Variants in SPATA31C2 observed in about 807,000 individuals in gnomAD.
The protein encoded by SPATA31C2 is spermatogenesis-associated protein 31C2.
A neutral mutation model predicts 11.4 loss-of-function variants in SPATA31C2; 5 were observed. The ratio of observed to expected loss-of-function variants is 0.44; its 90% CI spans 0.23 to 0.92. The LOEUF is 0.92. Ranked by LOEUF, SPATA31C2 falls within the 40% of genes least tolerant of loss-of-function variation. The pLI is 0.24. For missense variants in SPATA31C2, 1,353 were observed against 1,368.6 expected, an observed-to-expected ratio of 0.99 and a Z score of 0.18; for synonymous variants, 515 against 538.7, an observed-to-expected ratio of 0.96 and a Z score of 0.61.
chr9:88,132,569 G>A lies in SPATA31C2; in HGVS notation c.468C>T (p.Ser156=). The A allele has an allele frequency of 6.2e-7, 1 of 1,610,520 alleles. No homozygotes were observed. The change falls in exon 4 of 4, where the codon TCC becomes TCT. Residue 156 remains serine, a synonymous_variant. Transcript: ENST00000324915. ...TTCGAGGATCCGGGGAAGCTAACGG[G>A]GAGACAATGGGAGCAGCGTCTTCCG... The part of the protein sequence containing the change: ...EPTEDAAPIV[S]PLASPDPRTK...
rs1329269270 is a variant in SPATA31C2 at position 88,130,801 on chromosome 9, G to A, written c.2236C>T (p.Arg746Ter). ...PACKQFQRAPRGIPSSNDHGS... is the reference protein window; with the variant it reads ...PACKQFQRAP ...TGATCATTCGAAGATGGGATCCCTC[G>A]CGGGGCCCTCTGGAACTGCTTACAT... is the stretch of plus-strand genomic sequence containing the variant. The change falls in exon 4 of 4, where the codon CGA becomes TGA. Residue 746 changes from arginine (R) to a stop codon, truncating the protein, a stop_gained. Coordinates refer to ENST00000324915, the MANE Select transcript of SPATA31C2 (RefSeq NM_001350978.3). LOFTEE classifies it low-confidence loss of function (END_TRUNC). The A allele has an allele frequency of 9.9e-6, 16 of 1,612,794 alleles. No individual in the cohort carries two copies. The highest frequency in any genetic ancestry group is 5.3e-5 in the African/African-American group (4 of 74,882).
At position 88,129,926 on chromosome 9, in the gene SPATA31C2, T is replaced by A; in HGVS notation, c.3111A>T (p.Lys1037Asn). 1 of 1,607,246 alleles carries A rather than the reference T, an allele frequency of 6.2e-7. No homozygotes were observed. Among genetic ancestry groups the A allele is most frequent in the Non-Finnish European group, 8.5e-7 (1 of 1,175,648 alleles). ...ACACGCATGATCTGTTTTTTACTGT[T>A]TTTTGGCTCTCAGCAGTGACTGGTG... The part of the protein sequence containing the change: ...KPAPVTAESQ[K>N]TVKNRSCVYG... The change falls in exon 4 of 4, where the codon AAA becomes AAT. Residue 1037 changes from lysine (K) to asparagine (N), a missense_variant. Lys to Asn is a moderately conservative substitution (Grantham distance 94). Around this residue, in one of 6 missense-constraint regions of SPATA31C2, gnomAD observed 187 missense variants for 205.8 expected, o/e 0.91. Coordinates refer to ENST00000324915, the MANE Select transcript of SPATA31C2 (RefSeq NM_001350978.3).
Position 88,131,314 on chromosome 9 carries a change from T to C in SPATA31C2, c.1723A>G (p.Ile575Val), listed in dbSNP as rs1217507155. 6.2e-7 allele frequency: 1 copy of C among 1,611,916 alleles called. No individual in the cohort carries two copies. Among genetic ancestry groups the C allele is most frequent in the Non-Finnish European group, 8.5e-7 (1 of 1,179,866 alleles). ...TTTCTGCTCATGTGGGCTTTCAGGA[T>C]GTTTTCTATATGATTCCTCTCTGTG... Reference protein sequence around the residue: ...RRTERNHIENILKAHMSRKLG... With the variant: ...RRTERNHIENVLKAHMSRKLG... Residue 575 changes from isoleucine (I) to valine (V), a missense_variant, in exon 4 of 4, where the codon ATC (isoleucine) becomes GTC (valine). This residue lies in a region of SPATA31C2 where 1,075 missense variants were observed against 992.8 expected (regional missense o/e 1.08). Transcript: ENST00000324915.
At chr9:88,137,414 C>G (rs1825695810) in intron 1 of SPATA31C2, among the ~76,000 whole-genome samples, 2 of 146,830 alleles carry the variant, frequency 1.4e-5, no homozygotes, top group Admixed American at 7.3e-5. Flanking sequence ...CACCTGAAGT[C>G]AAGAGTTTGA....
In SPATA31C2 at chr9:88,129,901, A is replaced by T; in HGVS notation, c.3136T>A (p.Tyr1046Asn). ...QKTVKNRSCV[Y>N]GSSAEAERLM... ...CTCTCAGCTTCAGCACTGCTGCCGT[A>T]CACGCATGATCTGTTTTTTACTGTT... Residue 1046 changes from tyrosine to asparagine, a missense_variant, in exon 4 of 4, where the codon TAC (tyrosine) becomes AAC (asparagine). Tyr to Asn is a moderately radical substitution (Grantham distance 143). Transcript: ENST00000324915. 6.2e-7 allele frequency: 1 copy of T among 1,606,212 alleles called. No homozygotes were observed. The highest frequency in any genetic ancestry group is 8.5e-7 in the Non-Finnish European group (1 of 1,174,886).
rs1452169317 is a variant in SPATA31C2, at chr9:88,134,182, CAG to C, written c.190-515_190-514del. On this transcript the variant is annotated intron_variant, in intron 1 of 3. Coordinates refer to ENST00000324915, the MANE Select transcript of SPATA31C2 (RefSeq NM_001350978.3). ...ACACACAAACACACACGCACACACACAGGGATTTTCAATATGAGGTCCACCAT... is the reference window on the plus strand; with the variant it reads ...ACACACAAACACACACGCACACACACGGATTTTCAATATGAGGTCCACCAT... 2.7e-5 allele frequency among the ~76,000 whole-genome samples: 4 copies of C among 146,728 alleles called. 1 individual carries two copies. The highest frequency in any genetic ancestry group is 4.5e-5 in the Non-Finnish European group (3 of 66,448).
Position 88,130,419 on chromosome 9 carries a change from A to G in SPATA31C2, c.2618T>C (p.Val873Ala), listed in dbSNP as rs781446138. Residue 873 changes from valine to alanine, a missense_variant, in exon 4 of 4, where the codon GTT (valine) becomes GCT (alanine). Physicochemically the swap from Val to Ala is moderately conservative, Grantham distance 64 (BLOSUM62 0). Around this residue, in one of 6 missense-constraint regions of SPATA31C2, gnomAD observed 1,075 missense variants for 992.8 expected, o/e 1.08. Coordinates refer to ENST00000324915, the MANE Select transcript of SPATA31C2 (RefSeq NM_001350978.3). ...TGGAAGGAGCACAACAGTGGCAGAAACTTGAGGCTGGGTCTCTGACTTCGT... is the reference window on the plus strand; with the variant it reads ...TGGAAGGAGCACAACAGTGGCAGAAGCTTGAGGCTGGGTCTCTGACTTCGT... ...KATKSETQPQ[V>A]SATVVLLPDG... is the part of the protein sequence containing the mutation. The G allele has an allele frequency of 8.7e-6, 14 of 1,612,640 alleles. No individual in the cohort carries two copies. Among genetic ancestry groups the G allele is most frequent in the Non-Finnish European group, 1.1e-5 (13 of 1,179,518 alleles).
At position 88,130,650 on chromosome 9, in the gene SPATA31C2, T is replaced by A. The variant is rs1825573165; in HGVS notation, c.2387A>T (p.Glu796Val). 1.9e-6 allele frequency: 3 copies of A among 1,613,860 alleles called. No homozygotes were observed. In the Admixed American group the frequency reaches 5.0e-5, roughly 27 times the overall value. The change falls in exon 4 of 4, where the codon GAG becomes GTG. Residue 796 changes from glutamate to valine, a missense_variant. Coordinates refer to ENST00000324915, the MANE Select transcript of SPATA31C2 (RefSeq NM_001350978.3). Reference sequence around the variant, plus strand: ...GGGTTGTGGCACTGCCTCCCTGGTCTCTCCAGCCCTTGAAGATTGGGCTCC... The same window carrying A: ...GGGTTGTGGCACTGCCTCCCTGGTCACTCCAGCCCTTGAAGATTGGGCTCC... The part of the protein sequence containing the change: ...SLGAQSSRAG[E>V]TREAVPQPTV...
At position 88,137,451 on chromosome 9, in the gene SPATA31C2, A is replaced by G. The variant is rs190158432; in HGVS notation, c.189+807T>C. ...ACCAGCCTGGCCATGGTGAAACCCC[A>G]TCTCTACTAAAAATACAAAAATTAG... On this transcript the variant is annotated intron_variant, in intron 1 of 3. Transcript: ENST00000324915. 1.0e-4 allele frequency among the ~76,000 whole-genome samples: 15 copies of G among 146,296 alleles called. 1 individual carries two copies. The highest frequency in any genetic ancestry group is 1.8e-4 in the Non-Finnish European group (12 of 66,446).
Position 88,131,198 on chromosome 9 carries a change from G to A in SPATA31C2, c.1839C>T (p.His613=), listed in dbSNP as rs771746656. 1.4e-5 allele frequency: 23 copies of A among 1,611,698 alleles called. No homozygotes were observed. Among genetic ancestry groups the A allele is most frequent in the South Asian group, 1.1e-4 (10 of 90,990 alleles). Residue 613 remains histidine (H), a synonymous_variant, in exon 4 of 4, where the codon CAC becomes CAT. Coordinates refer to ENST00000324915, the MANE Select transcript of SPATA31C2 (RefSeq NM_001350978.3). ...VNQAFPVSNT[H]VKTSNLAAPK... ...GGGCTGCTAGATTGCTGGTTTTCAC[G>A]TGGGTGTTGGAGACGGGAAAAGCCT...
At chr9:88,137,283 C>T (rs1469281350) in intron 1 of SPATA31C2, among the ~76,000 whole-genome samples, 2 of 148,362 alleles carry the variant, frequency 1.3e-5, no homozygotes, top group African/African-American at 2.5e-5. Flanking sequence ...CAGTTAGATA[C>T]CATAGACAAA....
chr9:88,129,856 G>T lies in SPATA31C2; in HGVS notation c.3181C>A (p.Gln1061Lys). 1 of 1,605,016 alleles carries T rather than the reference G, an allele frequency of 6.2e-7. No homozygotes were observed. Among genetic ancestry groups the T allele is most frequent in the Non-Finnish European group, 8.5e-7 (1 of 1,174,170 alleles). Residue 1061 changes from glutamine (Q) to lysine (K), a missense_variant, in exon 4 of 4, where the codon CAG (glutamine) becomes AAG (lysine). By Grantham distance (53) the Gln-to-Lys change is moderately conservative. This residue lies in a region of SPATA31C2 where 187 missense variants were observed against 205.8 expected (regional missense o/e 0.91). Coordinates refer to ENST00000324915, the MANE Select transcript of SPATA31C2 (RefSeq NM_001350978.3). ...EAERLMTAVG[Q>K]ILEENMSLCH... The stretch of plus-strand genomic sequence containing the variant: ...AGTGACATGTTCTCCTCCAGTATCT[G>T]TCCAACTGCTGTCATGAGCCTCTCA...
At position 88,129,832 on chromosome 9, in the gene SPATA31C2, G is replaced by A. The variant is rs781070984; in HGVS notation, c.3205C>T (p.Leu1069Phe). The A allele has an allele frequency of 6.2e-7, 1 of 1,604,746 alleles. No homozygotes were observed. Among genetic ancestry groups the A allele is most frequent in the South Asian group, 1.1e-5 (1 of 90,976 alleles). ...VGQILEENMSLCHARHASKVN... is the reference protein window; with the variant it reads ...VGQILEENMSFCHARHASKVN... ...TTCGAGGCATGGCGCGCATGGCAAA[G>A]TGACATGTTCTCCTCCAGTATCTGT... is the stretch of plus-strand genomic sequence containing the variant. The change falls in exon 4 of 4, where the codon CTT becomes TTT. Residue 1069 changes from leucine (L) to phenylalanine (F), a missense_variant. Around this residue, in one of 6 missense-constraint regions of SPATA31C2, gnomAD observed 187 missense variants for 205.8 expected, o/e 0.91. Transcript: ENST00000324915.
chr9:88,132,555 G>A lies in SPATA31C2; in HGVS notation c.482C>T (p.Pro161Leu), dbSNP rs200958103. 5 of 1,610,634 alleles carry A rather than the reference G, an allele frequency of 3.1e-6. No individual in the cohort carries two copies. Among genetic ancestry groups the A allele is most frequent in the Admixed American group, 3.3e-5 (2 of 59,806 alleles). ...AAPIVSPLAS[P>L]DPRTKHPQDL... ...CTGAGGATGCTTGGTTCGAGGATCC[G>A]GGGAAGCTAACGGGGAGACAATGGG... Residue 161 changes from proline to leucine, a missense_variant, in exon 4 of 4, where the codon CCG becomes CTG. Pro to Leu is a moderately conservative substitution (Grantham distance 98). Coordinates refer to ENST00000324915, the MANE Select transcript of SPATA31C2 (RefSeq NM_001350978.3).
intron 2 of SPATA31C2, 80 bp downstream of exon 2, chr9:88,133,514 T>C: frequency 3.2e-6 from 5 of 1,568,512 alleles, no homozygotes; most frequent in Non-Finnish European, 4.3e-6. Context: ...TCAGGTTTTT[T>C]CAACTGACTT....
chr9:88,131,375 G>C lies in SPATA31C2; in HGVS notation c.1662C>G (p.Pro554=). 1 of 1,612,000 alleles carries C rather than the reference G, an allele frequency of 6.2e-7. No individual in the cohort carries two copies. Among genetic ancestry groups the C allele is most frequent in the South Asian group, 1.1e-5 (1 of 90,992 alleles). ...SEESERNLRK[P]LRSDSGSDLL... is the part of the protein sequence containing the mutation. ...AATCACTTCCTGAGTCACTCCTCAA[G>C]GGCTTCCTCAGGTTCCTTTCCGACT... The change falls in exon 4 of 4, where the codon CCC becomes CCG. Residue 554 remains proline, a synonymous_variant. Transcript: ENST00000324915.
chr9:88,133,755 G>A (rs540590883), intron 1 of SPATA31C2, 86 bp from the exon 2 acceptor site: 16 of 1,446,674 alleles, frequency 1.1e-5, no homozygotes, highest in Middle Eastern at 1.9e-4. Flanking sequence ...CTCATGAACC[G>A]CATGGCTCTG....
Position 88,132,546 on chromosome 9 carries a change from C to G in SPATA31C2, c.491G>C (p.Arg164Pro). Residue 164 changes from arginine to proline, a missense_variant, in exon 4 of 4, where the codon CGA becomes CCA. Arg to Pro is a moderately radical substitution (Grantham distance 103). Around this residue, in one of 6 missense-constraint regions of SPATA31C2, gnomAD observed 1,075 missense variants for 992.8 expected, o/e 1.08. Transcript: ENST00000324915. ...IVSPLASPDP[R>P]TKHPQDLAST... ...GGCCAGATCCTGAGGATGCTTGGTT[C>G]GAGGATCCGGGGAAGCTAACGGGGA... The G allele has an allele frequency of 6.2e-7, 1 of 1,610,472 alleles. No individual in the cohort carries two copies.
chr9:88,135,863 A>AT (rs1014692272), intron 1 of SPATA31C2, among the ~76,000 whole-genome samples: 2 of 144,698 alleles, frequency 1.4e-5, no homozygotes, highest in Non-Finnish European at 3.0e-5. Flanking sequence ...TACAATTAAG[A>AT]TTTTTTTAAA....
Sources: allele counts gnomAD v4.1 joint callset (sites outside exome capture counted in the v4.1 genomes callset), GRCh38; gene constraint gnomAD v4.1.1; regional missense constraint gnomAD v4.1.1; transcripts MANE v1.5; gene names NCBI Gene and HGNC (gene_info 2026-07-23, HGNC 2026-07-21).